The following UBR1 variants were observed in gnomAD, a reference collection of about 807,000 sequenced individuals.
The protein encoded by UBR1 is ubiquitin protein ligase E3 component n-recognin 1, also known as E3 ubiquitin-protein ligase UBR1.
In UBR1, 102 loss-of-function variants were observed where a neutral mutation model predicts 242.1. The ratio of observed to expected loss-of-function variants is 0.42; its 90% CI spans 0.36 to 0.50. UBR1 has a LOEUF of 0.50. Among genes scored for constraint, UBR1 ranks in the 20% least tolerant of loss-of-function variants. The pLI, the probability that UBR1 is intolerant of heterozygous loss-of-function variation, is 0.01. For synonymous variants in UBR1, 675 were observed against 684.8 expected, an observed-to-expected ratio of 0.99 and a Z score of 0.22; for missense variants, 1,772 against 2,101.8, an observed-to-expected ratio of 0.84 and a Z score of 3.07.
intron 1 of UBR1, among the ~76,000 whole-genome samples, chr15:43,094,479 T>C (rs1482390334): frequency 6.6e-6 from 1 of 151,642 alleles, no homozygotes; most frequent in African/African-American, 2.4e-5. Flanking sequence ...CATTCTCACA[T>C]TCTTTTTTTC....
At chr15:43,022,599 T>C in intron 26 of UBR1, 103 bp downstream of exon 26, 1 of 813,258 alleles carries the variant, frequency 1.2e-6, no homozygotes, top group Non-Finnish European at 2.0e-6. Context: ...GACTGACAGA[T>C]TAAAACTCTG....
chr15:43,036,118 G>C, intron 19 of UBR1, 60 bp downstream of exon 19: 1 of 1,367,994 alleles, frequency 7.3e-7, no homozygotes. Flanking sequence ...AATAAAATAT[G>C]ACTGAAATAG....
intron 17 of UBR1, 90 bp downstream of exon 17, chr15:43,037,683 A>T: frequency 9.0e-7 from 1 of 1,113,542 alleles, no homozygotes; most frequent in Middle Eastern, 1.9e-4. Flanking sequence ...TACACTCAGT[A>T]AAATCTAGGA....
At chr15:43,079,237 A>G (rs531029387) in intron 3 of UBR1, among the ~76,000 whole-genome samples, 101 of 152,270 alleles carry the variant, frequency 6.6e-4, no homozygotes, top group Admixed American at 6.5e-3. Context: ...AGGCCGAGGC[A>G]GGAGGGCTGT....
chr15:43,081,040 C>G (rs2033968830), intron 3 of UBR1, among the ~76,000 whole-genome samples: 1 of 152,136 alleles, frequency 6.6e-6, no homozygotes, highest in Non-Finnish European at 1.5e-5. Flanking sequence ...GTTGTTGGAT[C>G]ATATGATAAA....
intron 35 of UBR1, among the ~76,000 whole-genome samples, chr15:42,985,272 G>C (rs1435306100): frequency 1.3e-5 from 2 of 152,078 alleles, no homozygotes; most frequent in African/African-American, 4.8e-5. Flanking sequence ...TCTAAAATAA[G>C]TAATTTATAT....
At chr15:42,977,667 T>G (rs906157896) in intron 38 of UBR1, among the ~76,000 whole-genome samples, 1 of 151,108 alleles carries the variant, frequency 6.6e-6, no homozygotes, top group Non-Finnish European at 1.5e-5. Context: ...ACAAGACCTA[T>G]TACAAATTGA....
At chr15:43,043,932 G>A (rs1390535882) in intron 14 of UBR1, among the ~76,000 whole-genome samples, 1 of 151,840 alleles carries the variant, frequency 6.6e-6, no homozygotes, top group Non-Finnish European at 1.5e-5. Flanking sequence ...CTAAGAGGGG[G>A]GAAAAAAAAG....
At chr15:42,990,001 A>G (rs1224963617) in intron 34 of UBR1, 29 bp downstream of exon 34, 2 of 1,519,212 alleles carry the variant, frequency 1.3e-6, no homozygotes, top group Non-Finnish European at 1.8e-6. Flanking sequence ...AATCATTTAC[A>G]AAGTTCTCTT....
intron 6 of UBR1, 93 bp downstream of exon 6, chr15:43,067,805 A>G (rs2033772262): frequency 6.7e-7 from 1 of 1,501,822 alleles, no homozygotes; most frequent in Non-Finnish European, 9.3e-7. Flanking sequence ...GGATGGTCAG[A>G]CCTAGCACAA....
At chr15:43,019,428 A>G (rs2033074782) in intron 27 of UBR1, among the ~76,000 whole-genome samples, 1 of 152,110 alleles carries the variant, frequency 6.6e-6, no homozygotes, top group African/African-American at 2.4e-5. Flanking sequence ...CTGCCCTCTT[A>G]AAAGTATAAA....
rs911688395 is a variant in UBR1, at chr15:43,044,471, C to T, written c.1669-1076G>A. Among the ~76,000 whole-genome samples the T allele has an allele frequency of 7.9e-5, 12 of 152,186 alleles. No homozygotes were observed. In the South Asian group the frequency reaches 1.0e-3, roughly 13 times the overall value. ...AATCTGGGTGAATACAGAAGGGAGA[C>T]ATTAAAGACCATTCTTTTAAGATAA... On this transcript the variant is annotated intron_variant, in intron 14 of 46. Transcript: ENST00000290650.
intron 14 of UBR1, among the ~76,000 whole-genome samples, chr15:43,046,898 A>G (rs984654260): frequency 3.3e-5 from 5 of 152,156 alleles, no homozygotes; most frequent in African/African-American, 1.2e-4. Context: ...TGCATTTTCC[A>G]GGGAATAAAC....
intron 43 of UBR1, among the ~76,000 whole-genome samples, chr15:42,958,960 A>G (rs976088818): frequency 2.6e-5 from 4 of 152,154 alleles, no homozygotes; most frequent in Non-Finnish European, 4.4e-5. Flanking sequence ...GCTCCTGAGT[A>G]GCTGGGATTA....
intron 6 of UBR1, among the ~76,000 whole-genome samples, chr15:43,064,081 T>G (rs1004152708): frequency 6.6e-6 from 1 of 152,224 alleles, no homozygotes; most frequent in Non-Finnish European, 1.5e-5. Context: ...AATACTCCTT[T>G]GAAGGTAGAT....
At chr15:43,058,963 C>CT in intron 9 of UBR1, 122 bp downstream of exon 9, 1 of 825,574 alleles carries the variant, frequency 1.2e-6, no homozygotes, top group East Asian at 2.7e-5. Context: ...CATGTAGTAT[C>CT]TTATCAATCA....
At chr15:43,072,272 T>G in intron 4 of UBR1, among the ~76,000 whole-genome samples, 1 of 152,152 alleles carries the variant, frequency 6.6e-6, no homozygotes, top group East Asian at 1.9e-4. Flanking sequence ...TTCTTTAGGA[T>G]TTTTCATATA....
chr15:43,021,170 C>A, intron 27 of UBR1, 105 bp downstream of exon 27: 7 of 802,652 alleles, frequency 8.7e-6, no homozygotes, highest in East Asian at 2.6e-5. Context: ...ATTATGAAAA[C>A]CAGTAGTAAA....
At chr15:43,007,707 C>G (rs952142319) in intron 29 of UBR1, among the ~76,000 whole-genome samples, 1 of 152,084 alleles carries the variant, frequency 6.6e-6, no homozygotes, top group Non-Finnish European at 1.5e-5. Context: ...GGTCTGCTTT[C>G]TATTTATAAT....
Sources: allele counts gnomAD v4.1 joint callset (sites outside exome capture counted in the v4.1 genomes callset), GRCh38; gene constraint gnomAD v4.1.1; transcripts MANE v1.5; gene names NCBI Gene and HGNC (gene_info 2026-07-23, HGNC 2026-07-21).